Variants in AKR1E2 observed in about 807,000 individuals in gnomAD.
AKR1E2 encodes 1,5-anhydro-D-fructose reductase.
Under a neutral mutation model 41.9 loss-of-function variants are expected in AKR1E2, and 43 were observed. The ratio of observed to expected loss-of-function variants is 1.03; its 90% CI spans 0.80 to 1.32. The LOEUF (loss-of-function observed/expected upper bound fraction) is 1.32, where lower values mean the gene tolerates loss of function less well. Ranked by LOEUF, AKR1E2 falls within the 40% of genes most tolerant of loss-of-function variation. The probability of loss-of-function intolerance (pLI) is 0.00; values close to 1 mark genes in which losing one functional copy is unlikely to be tolerated. For missense variants in AKR1E2, 423 were observed against 396.5 expected (o/e 1.07, Z -0.57); for synonymous variants, 121 against 138.9 (o/e 0.87, Z 0.91).
At chr10:4,860,279 G>A in the AKR1E2 span, among the ~76,000 whole-genome samples, 1 of 152,172 alleles carries the variant, frequency 6.6e-6, no homozygotes, top group Admixed American at 6.5e-5. Flanking sequence ...AGTCCATAGG[G>A]CACTAGGCAC....
chr10:4,867,539 ACT>A, the AKR1E2 span, among the ~76,000 whole-genome samples: 1 of 152,198 alleles, frequency 6.6e-6, no homozygotes, highest in South Asian at 2.1e-4. Flanking sequence ...GGAATTACAC[ACT>A]ATGTAACTTT....
chr10:4,840,727 CT>C (rs199571987), intron 6 of AKR1E2, among the ~76,000 whole-genome samples: 7 of 150,026 alleles, frequency 4.7e-5, no homozygotes, highest in African/African-American at 7.3e-5. Context: ...ACCCACAAAT[CT>C]TTTTTTTTTA....
chr10:4,864,126 C>G, the AKR1E2 span, among the ~76,000 whole-genome samples: 6 of 152,122 alleles, frequency 3.9e-5, no homozygotes, highest in African/African-American at 1.4e-4. Flanking sequence ...CCAGCATCAT[C>G]CTGATACCAA....
the AKR1E2 span, among the ~76,000 whole-genome samples, chr10:4,865,754 G>A: frequency 4.6e-5 from 7 of 152,244 alleles, no homozygotes; most frequent in East Asian, 1.2e-3. Flanking sequence ...CTTTAAAAAT[G>A]TGCATAATTA....
At chr10:4,869,286 A>G in the AKR1E2 span, among the ~76,000 whole-genome samples, 8 of 152,158 alleles carry the variant, frequency 5.3e-5, no homozygotes, top group African/African-American at 1.9e-4. Flanking sequence ...GAATTGGTCC[A>G]TTATATAACT....
chr10:4,852,464 A>T (rs1335990801), downstream of AKR1E2, among the ~76,000 whole-genome samples: 1 of 152,230 alleles, frequency 6.6e-6, no homozygotes, highest in Non-Finnish European at 1.5e-5. Flanking sequence ...TAATTCTTGT[A>T]AAATAATAAG....
chr10:4,861,411 T>C, the AKR1E2 span, among the ~76,000 whole-genome samples: 39,183 of 151,960 alleles, frequency 0.26, 5,264 homozygotes, highest in Middle Eastern at 0.37. Flanking sequence ...CACTCCATTG[T>C]CCAGGATGGA....
intron 5 of AKR1E2, among the ~76,000 whole-genome samples, chr10:4,838,073 A>G (rs1833579487): frequency 6.6e-6 from 1 of 152,236 alleles, no homozygotes; most frequent in Admixed American, 6.5e-5. Flanking sequence ...CTAGCTTTGT[A>G]TGTTCAAAGA....
At chr10:4,866,646 T>TG in the AKR1E2 span, among the ~76,000 whole-genome samples, 4 of 117,832 alleles carry the variant, frequency 3.4e-5, no homozygotes, top group South Asian at 2.9e-4. Flanking sequence ...TTTGTTTTTG[T>TG]TTTTTTTTTT....
intron 2 of AKR1E2, among the ~76,000 whole-genome samples, chr10:4,833,051 GT>G (rs1465512783): frequency 6.6e-6 from 1 of 152,136 alleles, no homozygotes; most frequent in East Asian, 1.9e-4. Flanking sequence ...TTTCATTTTC[GT>G]TTTTGTTTTT....
the AKR1E2 span, among the ~76,000 whole-genome samples, chr10:4,868,263 A>G: frequency 6.6e-6 from 1 of 152,262 alleles, no homozygotes; most frequent in East Asian, 1.9e-4. Flanking sequence ...ACAGAGTGGC[A>G]GAGGCAGCGT....
At chr10:4,847,395 T>C in intron 9 of AKR1E2, 93 bp from the exon 10 acceptor site, 1 of 1,536,340 alleles carries the variant, frequency 6.5e-7, no homozygotes, top group South Asian at 1.2e-5. Context: ...TTTCATGCAC[T>C]GGGGAGTTTA....
chr10:4,865,879 T>G, the AKR1E2 span, among the ~76,000 whole-genome samples: 1 of 152,184 alleles, frequency 6.6e-6, no homozygotes, highest in Non-Finnish European at 1.5e-5. Flanking sequence ...AAAGAAAAAT[T>G]GTATTCATCA....
intron 1 of AKR1E2, among the ~76,000 whole-genome samples, chr10:4,827,756 G>A (rs1832661393): frequency 6.6e-6 from 1 of 152,176 alleles, no homozygotes; most frequent in Admixed American, 6.5e-5. Flanking sequence ...TAGAGGCTAG[G>A]AGTGTCGTTT....
At chr10:4,867,493 C>T in the AKR1E2 span, among the ~76,000 whole-genome samples, 1 of 152,158 alleles carries the variant, frequency 6.6e-6, no homozygotes, top group Non-Finnish European at 1.5e-5. Context: ...GTTCTTCATT[C>T]CTATAATTTT....
the AKR1E2 span, among the ~76,000 whole-genome samples, chr10:4,856,946 A>G: frequency 6.6e-6 from 1 of 152,114 alleles, no homozygotes; most frequent in Non-Finnish European, 1.5e-5. Context: ...CCACTTCCAG[A>G]GTATTTTCAT....
upstream of AKR1E2, chr10:4,826,091 G>C (rs1383439266): frequency 2.5e-6 from 1 of 395,246 alleles, no homozygotes; most frequent in Admixed American, 4.4e-5. Flanking sequence ...TGCGCCTCCA[G>C]CCAATCGGGG....
intron 4 of AKR1E2, 102 bp from the exon 5 acceptor site, chr10:4,837,357 G>C (rs1434260176): frequency 7.0e-7 from 1 of 1,419,506 alleles, no homozygotes; most frequent in Non-Finnish European, 9.5e-7. Context: ...TAAAAATATT[G>C]GGTCCAACCA....
rs972559325 is a variant in AKR1E2, at chr10:4,846,034, G to A, written c.838-1114G>A. ...CCCCCTGTGGCCCCAGTGCCGCTCAGAACTGCTGCTGCAAGGCTGCCTACC... is the reference window on the plus strand; with the variant it reads ...CCCCCTGTGGCCCCAGTGCCGCTCAAAACTGCTGCTGCAAGGCTGCCTACC... On this transcript the variant is annotated intron_variant, in intron 8 of 9. Coordinates refer to ENST00000298375, the MANE Select transcript of AKR1E2 (RefSeq NM_001040177.3). The A allele has an allele frequency of 1.6e-4, 58 of 365,660 alleles. No individual in the cohort carries two copies. In the Admixed American group the frequency reaches 2.0e-3, roughly 12 times the overall value. 22.7% of individuals were successfully genotyped at this position (365,660 alleles called of 1,614,324 possible).
Sources: gnomAD v4.1 joint callset for allele counts (sites outside exome capture counted in the v4.1 genomes callset) on GRCh38, gnomAD v4.1.1 for gene constraint, MANE v1.5 for transcripts, NCBI Gene and HGNC (gene_info 2026-07-23, HGNC 2026-07-21) for gene names.